Variants in PRKD1 observed in about 807,000 individuals in gnomAD.
PRKD1 encodes the protein serine/threonine-protein kinase D1.
PRKD1 carries 63 observed loss-of-function variants against 95.9 expected under a neutral mutation model. That is an observed-to-expected ratio of 0.66 (90% CI 0.54 to 0.81). The LOEUF (loss-of-function observed/expected upper bound fraction) is 0.81. PRKD1 is among the 30% of genes least tolerant of loss of function. The pLI is 0.00. For missense variants in PRKD1, 1,048 were observed against 1,165.3 expected (o/e 0.90, Z 1.47); for synonymous variants, 425 against 423.1 (o/e 1.00, Z -0.05).
At chr14:29,672,556 GA>G (rs1418340339) in intron 2 of PRKD1, among the ~76,000 whole-genome samples, 2 of 151,958 alleles carry the variant, frequency 1.3e-5, no homozygotes, top group Non-Finnish European at 2.9e-5. Context: ...AGATGACTTA[GA>G]AACAAGAGGT....
At chr14:29,845,076 G>A (rs965954278) in intron 1 of PRKD1, among the ~76,000 whole-genome samples, 2 of 152,092 alleles carry the variant, frequency 1.3e-5, no homozygotes, top group African/African-American at 4.8e-5. Context: ...ATGAAGAAAA[G>A]GAGACTAAAT....
At position 29,605,239 on chromosome 14, in the gene PRKD1, C is replaced by T. The variant is rs1318262531; in HGVS notation, c.1906-5422G>A. ...GATCTTCCCAAAGGTGATTCTGATG[C>T]TACCATCTTGCTTCAAGCCCACAAA... On this transcript the variant is annotated intron_variant, in intron 13 of 17. Transcript: ENST00000331968. Among the ~76,000 whole-genome samples the T allele has an allele frequency of 2.0e-5, 3 of 152,190 alleles. No homozygotes were observed. The East Asian group carries it at 5.8e-4, about 29-fold the overall frequency.
intron 11 of PRKD1, among the ~76,000 whole-genome samples, chr14:29,628,631 T>C (rs1031738691): frequency 1.3e-5 from 2 of 152,188 alleles, no homozygotes; most frequent in African/African-American, 4.8e-5. Context: ...CCTTGTCATA[T>C]TATGGCACTT....
At chr14:29,654,091 T>A (rs543981124) in intron 4 of PRKD1, among the ~76,000 whole-genome samples, 3,308 of 152,106 alleles carry the variant, frequency 0.022, 107 homozygotes, top group African/African-American at 0.07. Context: ...TATTTTTTTT[T>A]TTAAAAAAGC....
chr14:29,814,084 A>G (rs1262279826), intron 1 of PRKD1, among the ~76,000 whole-genome samples: 1 of 152,240 alleles, frequency 6.6e-6, no homozygotes, highest in Non-Finnish European at 1.5e-5. Context: ...GGATATGTGC[A>G]GACTTCTCTC....
At chr14:29,620,656 C>T (rs1879185560) in intron 13 of PRKD1, among the ~76,000 whole-genome samples, 1 of 151,710 alleles carries the variant, frequency 6.6e-6, no homozygotes, top group Non-Finnish European at 1.5e-5. Context: ...GAATGGCAAT[C>T]ATTAAAAAGT....
chr14:29,919,992 G>GAGAGAGAGAGAGAGA (rs200608178), intron 1 of PRKD1, among the ~76,000 whole-genome samples: 4 of 146,466 alleles, frequency 2.7e-5, no homozygotes, highest in African/African-American at 1.0e-4. Context: ...GAGAAAGAGA[G>GAGAGAGAGAGAGAGA]GAAGGAAGGT....
chr14:29,630,114 T>A (rs1879896250), intron 10 of PRKD1, among the ~76,000 whole-genome samples: 1 of 151,550 alleles, frequency 6.6e-6, no homozygotes, highest in Admixed American at 6.6e-5. Flanking sequence ...TCTCTTGCAT[T>A]CCATGTCAAG....
At chr14:29,578,210 A>G (rs2138941561) in intron 17 of PRKD1, 65 bp downstream of exon 17, 1 of 1,246,500 alleles carries the variant, frequency 8.0e-7, no homozygotes, top group Non-Finnish European at 1.1e-6. Flanking sequence ...AGATTTCTAA[A>G]TATCAAAATC....
Position 29,638,542 on chromosome 14 carries a change from C to T in PRKD1, c.932G>A (p.Arg311His), listed in dbSNP as rs775384193. The T allele has an allele frequency of 3.7e-6, 6 of 1,614,182 alleles. 1 individual carries two copies. The highest frequency in any genetic ancestry group is 3.3e-5 in the Admixed American group (2 of 60,016). Residue 311 changes from arginine (R) to histidine (H), a missense_variant, in exon 6 of 18, where the codon CGT becomes CAT. Arg to His is a conservative substitution (Grantham distance 29). Transcript: ENST00000331968. ...GTTGTTTGGTACTTTCGGTGCACAA[C>T]GTTTATGGCAGTTGAATCTGCAATC... ...CKDCRFNCHKRCAPKVPNNCL... is the reference protein window; with the variant it reads ...CKDCRFNCHKHCAPKVPNNCL...
chr14:29,630,693 G>A, intron 10 of PRKD1, 49 bp downstream of exon 10: 1 of 1,609,934 alleles, frequency 6.2e-7, no homozygotes, highest in Non-Finnish European at 8.5e-7. Context: ...CTAAGCAAGG[G>A]GTAGGCACAT....
chr14:29,622,231 CCCA>C, intron 13 of PRKD1, among the ~76,000 whole-genome samples: 1 of 152,120 alleles, frequency 6.6e-6, no homozygotes, highest in Non-Finnish European at 1.5e-5. Context: ...TGCTTTCTGG[CCCA>C]CCGCACACCT....
At chr14:29,780,475 A>G (rs560236301) in intron 1 of PRKD1, among the ~76,000 whole-genome samples, 1 of 152,188 alleles carries the variant, frequency 6.6e-6, no homozygotes, top group Non-Finnish European at 1.5e-5. Flanking sequence ...AAAAGTGGGC[A>G]AAGGATATGA....
chr14:29,656,802 T>C (rs536416454), intron 4 of PRKD1, among the ~76,000 whole-genome samples: 2 of 152,346 alleles, frequency 1.3e-5, no homozygotes, highest in African/African-American at 4.8e-5. Context: ...GTCTCAGTGA[T>C]GAACGATGGT....
At chr14:29,828,448 C>T (rs1035940405) in intron 1 of PRKD1, among the ~76,000 whole-genome samples, 1 of 152,050 alleles carries the variant, frequency 6.6e-6, no homozygotes, top group Non-Finnish European at 1.5e-5. Context: ...ACCCAGACAC[C>T]TCCCACTAGG....
intron 1 of PRKD1, among the ~76,000 whole-genome samples, chr14:29,883,261 C>G (rs1445840746): frequency 6.6e-6 from 1 of 152,178 alleles, no homozygotes; most frequent in Non-Finnish European, 1.5e-5. Flanking sequence ...CAGGCCCCAC[C>G]TCCGCATTAA....
At chr14:29,858,973 T>C (rs1892608004) in intron 1 of PRKD1, among the ~76,000 whole-genome samples, 1 of 152,150 alleles carries the variant, frequency 6.6e-6, no homozygotes, top group African/African-American at 2.4e-5. Flanking sequence ...CACAATACCT[T>C]TTCCCCCTAA....
chr14:29,903,199 C>A (rs1023562889), intron 1 of PRKD1, among the ~76,000 whole-genome samples: 6 of 152,190 alleles, frequency 3.9e-5, no homozygotes, highest in Non-Finnish European at 5.9e-5. Flanking sequence ...CACTGTATAA[C>A]AAATAATGTA....
At chr14:29,616,389 T>G (rs1288784857) in intron 13 of PRKD1, among the ~76,000 whole-genome samples, 1 of 151,480 alleles carries the variant, frequency 6.6e-6, no homozygotes, top group African/African-American at 2.4e-5. Context: ...GATTTGACTA[T>G]AGCTATGAGA....
Sources: gnomAD v4.1 joint callset for allele counts (sites outside exome capture counted in the v4.1 genomes callset) on GRCh38, gnomAD v4.1.1 for gene constraint, MANE v1.5 for transcripts, NCBI Gene and HGNC (gene_info 2026-07-23, HGNC 2026-07-21) for gene names.